CAB39L: variants seen among roughly 807,000 people sequenced by gnomAD.
CAB39L encodes calcium binding protein 39 like.
Under a neutral mutation model 39.1 loss-of-function variants are expected in CAB39L, and 23 were observed. The ratio of observed to expected loss-of-function variants is 0.59; its 90% confidence interval spans 0.42 to 0.83. The LOEUF is 0.83. Ranked by LOEUF, CAB39L falls within the 40% of genes least tolerant of loss-of-function variation. The probability of loss-of-function intolerance (pLI) is 0.00; values close to 1 mark genes in which losing one functional copy is unlikely to be tolerated. For missense variants in CAB39L, 366 were observed against 391.9 expected, an observed-to-expected ratio of 0.93 and a Z score of 0.56; for synonymous variants, 126 against 137.2, an observed-to-expected ratio of 0.92 and a Z score of 0.57.
At chr13:49,311,598 A>T (rs2138316253) in intron 10 of CAB39L, among the ~76,000 whole-genome samples, 1 of 152,284 alleles carries the variant, frequency 6.6e-6, no homozygotes, top group African/African-American at 2.4e-5. Context: ...GGGGGACAAG[A>T]TGTGGAGGTG....
chr13:49,416,233 G>A (rs981093903), intron 3 of CAB39L, among the ~76,000 whole-genome samples: 6 of 152,178 alleles, frequency 3.9e-5, no homozygotes. Flanking sequence ...TTTAGAAAAA[G>A]TAGAGCCAGT....
At chr13:49,387,500 C>T (rs1301356239) in intron 3 of CAB39L, among the ~76,000 whole-genome samples, 1 of 152,164 alleles carries the variant, frequency 6.6e-6, no homozygotes. Context: ...GTGCCCTCAG[C>T]ATTAATGCTG....
chr13:49,337,716 G>A lies in CAB39L; in HGVS notation c.690+1961C>T, dbSNP rs115333969. 5.4e-3 allele frequency among the ~76,000 whole-genome samples: 775 copies of A among 144,034 alleles called. 5 individuals carry two copies. The highest frequency in any genetic ancestry group is 0.019 in the African/African-American group (719 of 38,084). The allele number at this position is 144,034 out of a possible 152,430, so 94.5% of individuals were successfully genotyped here. ...CAACTCATCAAGGACTTCACTGATC[G>A]TCTAGCTGCTCTGGCGCACACACAC... On this transcript the variant is annotated intron_variant, in intron 9 of 10. Coordinates refer to ENST00000409308, the MANE Select transcript of CAB39L (RefSeq NM_001079670.3).
At chr13:49,423,124 T>A (rs1460088415) in intron 3 of CAB39L, among the ~76,000 whole-genome samples, 1 of 152,198 alleles carries the variant, frequency 6.6e-6, no homozygotes, top group African/African-American at 2.4e-5. Flanking sequence ...GACTATACCA[T>A]AGATCATTGA....
At chr13:49,439,193 G>T (rs957263310) in intron 1 of CAB39L, among the ~76,000 whole-genome samples, 86 of 151,886 alleles carry the variant, frequency 5.7e-4, no homozygotes, top group African/African-American at 2.0e-3. Flanking sequence ...ATCTTTTATT[G>T]AGTTTTGTCT....
At chr13:49,437,342 T>A (rs1160665348) in intron 1 of CAB39L, among the ~76,000 whole-genome samples, 1 of 152,186 alleles carries the variant, frequency 6.6e-6, no homozygotes, top group African/African-American at 2.4e-5. Context: ...TTCACCAAGA[T>A]CCTTAATTTC....
intron 5 of CAB39L, among the ~76,000 whole-genome samples, chr13:49,367,441 G>A (rs1052051415): frequency 6.6e-6 from 1 of 152,162 alleles, no homozygotes; most frequent in Admixed American, 6.5e-5. Context: ...TAGCCAATCT[G>A]GAAAACACTT....
intron 1 of CAB39L, among the ~76,000 whole-genome samples, chr13:49,442,787 C>CAAAAAAAAAAAAAAA (rs71078844): frequency 7.7e-5 from 8 of 103,686 alleles, no homozygotes; most frequent in African/African-American, 2.1e-4. Context: ...GACTCCATCT[C>CAAAAAAAAAAAAAAA]AAAAAAAAAA....
intron 3 of CAB39L, among the ~76,000 whole-genome samples, chr13:49,419,961 GATTA>G (rs1212176093): frequency 1.3e-5 from 2 of 151,966 alleles, no homozygotes; most frequent in Non-Finnish European, 2.9e-5. Flanking sequence ...CAGTAAATAG[GATTA>G]ATTAAATTCA....
At chr13:49,432,110 T>C (rs1308934653) in intron 3 of CAB39L, among the ~76,000 whole-genome samples, 6 of 152,218 alleles carry the variant, frequency 3.9e-5, no homozygotes, top group Non-Finnish European at 8.8e-5. Context: ...TTATTTATTT[T>C]ATAATCCCTA....
chr13:49,312,771 AT>A (rs1426799373), intron 10 of CAB39L, among the ~76,000 whole-genome samples: 2 of 152,236 alleles, frequency 1.3e-5, no homozygotes, highest in Admixed American at 1.3e-4. Context: ...ACTTTTAAAT[AT>A]TTGTTCTTAA....
intron 3 of CAB39L, among the ~76,000 whole-genome samples, chr13:49,385,913 A>G (rs1028034486): frequency 4.0e-5 from 6 of 149,096 alleles, no homozygotes; most frequent in Non-Finnish European, 8.9e-5. Context: ...AACAAAATGT[A>G]TCAAGAGATA....
At chr13:49,394,941 A>C (rs1956575673) in intron 3 of CAB39L, among the ~76,000 whole-genome samples, 1 of 152,214 alleles carries the variant, frequency 6.6e-6, no homozygotes, top group African/African-American at 2.4e-5. Context: ...CAAATTACAG[A>C]GCATAACTAC....
intron 10 of CAB39L, among the ~76,000 whole-genome samples, chr13:49,329,544 A>AAAAAAAT (rs1555252274): frequency 8.9e-5 from 3 of 33,836 alleles, no homozygotes; most frequent in African/African-American, 1.6e-4. Context: ...TAAAAAAAAA[A>AAAAAAAT]ATATATATAT....
intron 5 of CAB39L, among the ~76,000 whole-genome samples, chr13:49,374,255 T>C (rs1955998418): frequency 6.6e-6 from 1 of 152,202 alleles, no homozygotes; most frequent in African/African-American, 2.4e-5. Flanking sequence ...ATCTTCATAA[T>C]AGTTTTGAAT....
intron 4 of CAB39L, among the ~76,000 whole-genome samples, chr13:49,378,763 G>T (rs1453208109): frequency 6.8e-5 from 3 of 44,224 alleles, no homozygotes; most frequent in Admixed American, 3.2e-4. Context: ...GGAGGGAGGT[G>T]GGGGGGGTCA....
chr13:49,409,911 TAAA>T (rs201528930), intron 3 of CAB39L, among the ~76,000 whole-genome samples: 5 of 140,408 alleles, frequency 3.6e-5, no homozygotes, highest in Admixed American at 1.4e-4. Context: ...TCTCTCTATT[TAAA>T]AAAAAAAAAA....
intron 7 of CAB39L, among the ~76,000 whole-genome samples, chr13:49,349,875 G>A (rs910388212): frequency 6.6e-6 from 1 of 152,046 alleles, no homozygotes; most frequent in African/African-American, 2.4e-5. Flanking sequence ...TAAGTAACTG[G>A]TTTTCTAAAA....
At chr13:49,399,165 A>G (rs1009349116) in intron 3 of CAB39L, among the ~76,000 whole-genome samples, 2 of 152,116 alleles carry the variant, frequency 1.3e-5, no homozygotes, top group African/African-American at 2.4e-5. Flanking sequence ...GTCCTCATGC[A>G]ATAACTATTA....
Sources: allele counts gnomAD v4.1 joint callset (sites outside exome capture counted in the v4.1 genomes callset), GRCh38; gene constraint gnomAD v4.1.1; transcripts MANE v1.5; gene names NCBI Gene and HGNC (gene_info 2026-07-23, HGNC 2026-07-21).